MAGT1: variants seen among roughly 807,000 people sequenced by gnomAD.
The protein encoded by MAGT1 is magnesium transporter 1, also known as dolichyl-diphosphooligosaccharide--protein glycosyltransferase subunit MAGT1.
A neutral mutation model predicts 28.4 loss-of-function variants in MAGT1; 4 were observed. The observed-to-expected ratio is 0.14, with a 90% CI of 0.07 to 0.32. The LOEUF is 0.32. Ranked by LOEUF, MAGT1 falls within the 10% of genes least tolerant of loss-of-function variation. MAGT1 has a pLI of 1.00. For synonymous variants in MAGT1, 89 were observed against 89.7 expected (o/e 0.99, Z 0.04); for missense variants, 193 against 264.5 (o/e 0.73, Z 1.88).
At chrX:77,875,120 C>A (rs782192517) in intron 2 of MAGT1, among the ~76,000 whole-genome samples, 7 of 110,599 alleles carry the variant, frequency 6.3e-5, no homozygotes, top group Non-Finnish European at 1.1e-4. Context: ...GCCTCGACCT[C>A]CCAAAGTGCT....
intron 7 of MAGT1, among the ~76,000 whole-genome samples, chrX:77,850,952 C>T (rs1252801188): frequency 9.1e-6 from 1 of 109,860 alleles, no homozygotes; most frequent in Non-Finnish European, 1.9e-5. Context: ...TCCATCAAAC[C>T]ATACTTTTCT....
chrX:77,857,649 G>T, intron 3 of MAGT1, 152 bp from the exon 4 acceptor site: 1 of 641,253 alleles, frequency 1.6e-6, no homozygotes, highest in Non-Finnish European at 2.4e-6. Context: ...GTGGTAAGTG[G>T]TGGAGCAGGC....
At chrX:77,854,795 T>G (rs1049346843) in intron 6 of MAGT1, among the ~76,000 whole-genome samples, 2 of 111,464 alleles carry the variant, frequency 1.8e-5, no homozygotes, top group Non-Finnish European at 3.8e-5. Flanking sequence ...AACTAGTATT[T>G]AAGTGTACAA....
At chrX:77,863,408 G>A (rs35532162) in intron 3 of MAGT1, among the ~76,000 whole-genome samples, 54,109 of 104,976 alleles carry the variant, frequency 0.52, 12,781 homozygotes, top group Non-Finnish European at 0.68. Context: ...CCAGCTACTC[G>A]GGAGGCTGAG....
chrX:77,849,225 C>T (rs1157855129), intron 7 of MAGT1, among the ~76,000 whole-genome samples: 4 of 108,395 alleles, frequency 3.7e-5, no homozygotes, highest in Non-Finnish European at 7.6e-5. Context: ...CACAGGCACG[C>T]AGCACCACAC....
At chrX:77,880,566 C>T (rs960826296) in intron 1 of MAGT1, among the ~76,000 whole-genome samples, 12 of 109,944 alleles carry the variant, frequency 1.1e-4, no homozygotes, top group Non-Finnish European at 2.1e-4. Context: ...GTAGCAAATA[C>T]GAAAAAATTC....
At chrX:77,845,323 C>A (rs1192661558) in intron 7 of MAGT1, among the ~76,000 whole-genome samples, 1 of 111,349 alleles carries the variant, frequency 9.0e-6, no homozygotes, top group Non-Finnish European at 1.9e-5. Flanking sequence ...TTATTTTGAG[C>A]CTATGTGTGT....
Position 77,829,213 on chromosome X carries a change from G to C in MAGT1, c.*7C>G, listed in dbSNP as rs782001969. 1.1e-5 allele frequency: 13 copies of C among 1,197,034 alleles called. No homozygotes were observed. The East Asian group carries it at 3.6e-4, about 33-fold the overall frequency. ...TACTCCAGTGTCTATATATCTCTGG[G>C]ACCTTTTTAACTCATCAGAAAGCTG... is the stretch of plus-strand genomic sequence containing the variant. On this transcript the variant is annotated 3_prime_UTR_variant, in exon 10 of 10. Coordinates refer to ENST00000618282, the MANE Select transcript of MAGT1 (RefSeq NM_001367916.1).
Position 77,867,032 on chromosome X carries a change from C to T in MAGT1, c.390+3776G>A, listed in dbSNP as rs1036715376. Among the ~76,000 whole-genome samples the T allele has an allele frequency of 1.7e-4, 11 of 66,107 alleles. 3 individuals carry two copies. The highest frequency in any genetic ancestry group is 3.5e-4 in the African/African-American group (10 of 28,438). 57.4% of individuals were successfully genotyped at this position (66,107 alleles called of 115,157 possible). A position where few individuals can be genotyped will look rare whatever the true frequency, so the allele number is the denominator to read the frequency against. On this transcript the variant is annotated intron_variant, in intron 3 of 9. Transcript: ENST00000618282. ...TGGCTCACTGGCTTCCCCCCACCCACGAAGCTATCCTTAAAAACTCTGCAC... is the reference window on the plus strand; with the variant it reads ...TGGCTCACTGGCTTCCCCCCACCCATGAAGCTATCCTTAAAAACTCTGCAC...
intron 1 of MAGT1, among the ~76,000 whole-genome samples, chrX:77,878,217 A>C (rs1243800642): frequency 1.0e-5 from 1 of 95,987 alleles, no homozygotes; most frequent in African/African-American, 3.8e-5. Context: ...TGAACCCGGG[A>C]GACGGAGGTT....
intron 7 of MAGT1, among the ~76,000 whole-genome samples, chrX:77,849,636 C>T (rs782336028): frequency 6.4e-5 from 7 of 109,757 alleles, no homozygotes; most frequent in South Asian, 3.9e-4. Flanking sequence ...TTTGGGAGGC[C>T]GAGGCAGGCG....
rs373926619 is a variant in MAGT1, at chrX:77,861,094, G to A, written c.391-3597C>T. 2.5e-4 allele frequency among the ~76,000 whole-genome samples: 27 copies of A among 109,248 alleles called. No individual in the cohort carries two copies. In the South Asian group the frequency reaches 9.1e-3, roughly 37 times the overall value. 94.9% of individuals were successfully genotyped at this position (109,248 alleles called of 115,157 possible). ...CTCGGGAGGCTGAGGCAGGAGAATC[G>A]CTTGAACCCGGGAAACGGAGGTTGT... On this transcript the variant is annotated intron_variant, in intron 3 of 9. Coordinates refer to ENST00000618282, the MANE Select transcript of MAGT1 (RefSeq NM_001367916.1).
chrX:77,830,773 A>T, intron 9 of MAGT1, 32 bp downstream of exon 9: 2 of 832,800 alleles, frequency 2.4e-6, no homozygotes, highest in Non-Finnish European at 3.5e-6. Flanking sequence ...GGTATTGGTA[A>T]TCACTGTATA....
chrX:77,845,690 C>T (rs1157068175), intron 7 of MAGT1, among the ~76,000 whole-genome samples: 10 of 111,453 alleles, frequency 9.0e-5, no homozygotes, highest in African/African-American at 3.3e-4. Flanking sequence ...TTCTCCTTAA[C>T]TTATGAAGCT....
intron 1 of MAGT1, among the ~76,000 whole-genome samples, chrX:77,887,385 A>G (rs2149029218): frequency 8.9e-6 from 1 of 112,064 alleles, no homozygotes; most frequent in East Asian, 2.8e-4. Flanking sequence ...AGTGGGAGCC[A>G]CTATGTGTGG....
chrX:77,873,285 A>C (rs2077024849), intron 2 of MAGT1, among the ~76,000 whole-genome samples: 1 of 112,036 alleles, frequency 8.9e-6, no homozygotes, highest in Non-Finnish European at 1.9e-5. Flanking sequence ...AAAGTTATCA[A>C]GGCTTGGGGT....
chrX:77,842,684 G>A (rs782610339), intron 7 of MAGT1, among the ~76,000 whole-genome samples: 73 of 110,167 alleles, frequency 6.6e-4, no homozygotes, highest in Non-Finnish European at 1.1e-3. Flanking sequence ...AAAATTAGCC[G>A]GGCGTGGTGG....
At position 77,828,816 on chromosome X, in the gene MAGT1, T is replaced by A. The variant is rs189755132; in HGVS notation, c.*404A>T. 4 of 137,371 alleles carry A rather than the reference T, an allele frequency of 2.9e-5. No homozygotes were observed. Among genetic ancestry groups the A allele is most frequent in the African/African-American group, 1.3e-4 (4 of 31,496 alleles). 11.3% of individuals were successfully genotyped at this position (137,371 alleles called of 1,213,427 possible). On this transcript the variant is annotated 3_prime_UTR_variant, in exon 10 of 10. Coordinates refer to ENST00000618282, the MANE Select transcript of MAGT1 (RefSeq NM_001367916.1). The stretch of plus-strand genomic sequence containing the variant: ...AATGTAGTTATCTGTAACAGGCATA[T>A]GTGGGAACACCTGGTCAGGACTTAC...
chrX:77,832,822 C>CAAACAAAAAA (rs2076902702), intron 8 of MAGT1, among the ~76,000 whole-genome samples: 1 of 32,351 alleles, frequency 3.1e-5, no homozygotes, highest in African/African-American at 1.4e-4. Flanking sequence ...GCCTCTGTCT[C>CAAACAAAAAA]AAAAAAAAAA....
Sources: gnomAD v4.1 joint callset for allele counts (sites outside exome capture counted in the v4.1 genomes callset) on GRCh38, gnomAD v4.1.1 for gene constraint, MANE v1.5 for transcripts, NCBI Gene and HGNC (gene_info 2026-07-23, HGNC 2026-07-21) for gene names.